The following RASEF variants were observed in gnomAD, a reference collection of about 807,000 sequenced individuals.
The protein encoded by RASEF is RAS and EF-hand domain containing.
In RASEF, 68 loss-of-function variants were observed where a neutral mutation model predicts 90.1. That is an observed-to-expected ratio of 0.75 (90% CI 0.62 to 0.92). The LOEUF is 0.92. RASEF is among the 40% of genes least tolerant of loss of function. The pLI, the probability that RASEF is intolerant of heterozygous loss-of-function variation, is 0.00. For missense variants in RASEF, 949 were observed against 937.2 expected, an observed-to-expected ratio of 1.01 and a Z score of -0.16; for synonymous variants, 331 against 345.2, an observed-to-expected ratio of 0.96 and a Z score of 0.46.
At chr9:83,186,771 C>G in the RASEF span, among the ~76,000 whole-genome samples, 1 of 151,928 alleles carries the variant, frequency 6.6e-6, no homozygotes, top group African/African-American at 2.4e-5. Context: ...AATTTTTTCT[C>G]TAAAATTTAA....
At chr9:83,193,062 T>A in the RASEF span, among the ~76,000 whole-genome samples, 1 of 152,234 alleles carries the variant, frequency 6.6e-6, no homozygotes, top group Non-Finnish European at 1.5e-5. Context: ...TATGTTTGCA[T>A]GCAGAATTGT....
the RASEF span, among the ~76,000 whole-genome samples, chr9:83,085,727 C>G: frequency 1.3e-3 from 196 of 152,168 alleles, 1 homozygote; most frequent in African/African-American, 4.6e-3. Context: ...GAGTTCAAGA[C>G]CAGCCTGACC....
chr9:83,062,632 C>A lies in RASEF; in HGVS notation c.236G>T (p.Arg79Leu). The A allele has an allele frequency of 6.4e-7, 1 of 1,553,460 alleles. No homozygotes were observed. Among genetic ancestry groups the A allele is most frequent in the Non-Finnish European group, 8.7e-7 (1 of 1,155,182 alleles). The change falls in exon 1 of 17, where the codon CGG becomes CTG. Residue 79 changes from arginine (R) to leucine (L), a missense_variant. Arg to Leu is a moderately radical substitution (Grantham distance 102). This residue lies in a region of RASEF where 656 missense variants were observed against 592.2 expected (regional missense o/e 1.11). Transcript: ENST00000376447. The part of the protein sequence containing the change: ...RGFLGSLRGG[R>L]RRDWGPLDPA... ...ATCCAGAGGACCCCAGTCCCGGCGCCGCCCCCCGCGGAGGGACCCGAGGAA... is the reference window on the plus strand; with the variant it reads ...ATCCAGAGGACCCCAGTCCCGGCGCAGCCCCCCGCGGAGGGACCCGAGGAA...
the RASEF span, among the ~76,000 whole-genome samples, chr9:83,182,259 G>A: frequency 6.6e-6 from 1 of 152,182 alleles, no homozygotes; most frequent in Admixed American, 6.5e-5. Flanking sequence ...CAGCCATTCA[G>A]TCTTGTTAAC....
At chr9:83,151,272 C>A in the RASEF span, among the ~76,000 whole-genome samples, 4 of 152,152 alleles carry the variant, frequency 2.6e-5, no homozygotes, top group Non-Finnish European at 4.4e-5. Flanking sequence ...TCTCTTCCAA[C>A]CCAGCCCTTG....
At chr9:83,068,966 C>T in the RASEF span, among the ~76,000 whole-genome samples, 4 of 152,150 alleles carry the variant, frequency 2.6e-5, no homozygotes, top group African/African-American at 9.7e-5. Context: ...GTCTTGTAAA[C>T]ATGCCATTTA....
At chr9:83,178,528 TC>T in the RASEF span, among the ~76,000 whole-genome samples, 1 of 152,112 alleles carries the variant, frequency 6.6e-6, no homozygotes, top group South Asian at 2.1e-4. Context: ...ATCCATTGCT[TC>T]CACTGCTATG....
chr9:83,189,628 GATT>G, the RASEF span, among the ~76,000 whole-genome samples: 1 of 152,084 alleles, frequency 6.6e-6, no homozygotes, highest in African/African-American at 2.4e-5. Flanking sequence ...AACAAAAATT[GATT>G]ATATTTCATG....
the RASEF span, among the ~76,000 whole-genome samples, chr9:83,096,115 G>A: frequency 3.9e-5 from 6 of 152,320 alleles, no homozygotes; most frequent in East Asian, 3.9e-4. Context: ...ACAACTAGCT[G>A]AGAGGATGCC....
chr9:82,995,160 G>A (rs759360692), intron 14 of RASEF, among the ~76,000 whole-genome samples: 25 of 152,228 alleles, frequency 1.6e-4, no homozygotes, highest in African/African-American at 1.9e-4. Context: ...AGATGACAAC[G>A]TGTGAAGTTG....
the RASEF span, among the ~76,000 whole-genome samples, chr9:83,161,034 G>C: frequency 5.9e-5 from 9 of 152,288 alleles, no homozygotes; most frequent in Non-Finnish European, 1.3e-4. Context: ...GAAGTTTGCT[G>C]TAGCGGTGGG....
intron 5 of RASEF, among the ~76,000 whole-genome samples, chr9:83,010,417 G>C (rs1019330327): frequency 1.2e-4 from 18 of 152,176 alleles, no homozygotes; most frequent in African/African-American, 4.1e-4. Flanking sequence ...TGCACTTCTA[G>C]AAAGTGGAAA....
chr9:83,138,826 A>G, the RASEF span, among the ~76,000 whole-genome samples: 1 of 152,150 alleles, frequency 6.6e-6, no homozygotes, highest in Middle Eastern at 3.2e-3. Context: ...ATAAAAAATA[A>G]AAACTTATGA....
At chr9:83,089,720 A>G in the RASEF span, among the ~76,000 whole-genome samples, 1 of 152,174 alleles carries the variant, frequency 6.6e-6, no homozygotes, top group East Asian at 1.9e-4. Context: ...TTGAGTATCA[A>G]GAGTTGATTG....
chr9:83,055,778 A>G, intron 1 of RASEF: 1 of 649,538 alleles, frequency 1.5e-6, no homozygotes, highest in Non-Finnish European at 2.8e-6. Context: ...GAAAATAAGA[A>G]TATTTGGTCT....
At chr9:83,138,205 G>C in the RASEF span, among the ~76,000 whole-genome samples, 2 of 151,996 alleles carry the variant, frequency 1.3e-5, no homozygotes, top group Non-Finnish European at 2.9e-5. Flanking sequence ...CAGCAGGCTA[G>C]TTTCAGATGG....
chr9:83,146,035 T>A, the RASEF span, among the ~76,000 whole-genome samples: 2 of 151,760 alleles, frequency 1.3e-5, no homozygotes, highest in Non-Finnish European at 2.9e-5. Flanking sequence ...TAATCTGTGA[T>A]ATTTGAAGCA....
At chr9:83,093,328 T>C in the RASEF span, among the ~76,000 whole-genome samples, 1 of 152,102 alleles carries the variant, frequency 6.6e-6, no homozygotes, top group Non-Finnish European at 1.5e-5. Flanking sequence ...GTGATGGGAC[T>C]GGGCCCCGCG....
At chr9:82,985,793 G>C (rs983096303) in intron 16 of RASEF, among the ~76,000 whole-genome samples, 5 of 152,124 alleles carry the variant, frequency 3.3e-5, no homozygotes, top group Non-Finnish European at 5.9e-5. Context: ...AGCCACTGGA[G>C]GCAAGGGGTG....
Sources: allele counts gnomAD v4.1 joint callset (sites outside exome capture counted in the v4.1 genomes callset), GRCh38; gene constraint gnomAD v4.1.1; regional missense constraint gnomAD v4.1.1; transcripts MANE v1.5; gene names NCBI Gene and HGNC (gene_info 2026-07-23, HGNC 2026-07-21).